GBP1: variants seen among roughly 807,000 people sequenced by gnomAD.
GBP1 encodes guanylate binding protein 1.
GBP1 carries 64 observed loss-of-function variants against 69.5 expected under a neutral mutation model. That is an observed-to-expected ratio of 0.92 (90% confidence interval 0.75 to 1.13). The LOEUF (loss-of-function observed/expected upper bound fraction) is 1.13. Among genes scored for constraint, GBP1 ranks in the 50% most tolerant of loss-of-function variants. GBP1 has a pLI of 0.00. For missense variants in GBP1, 630 were observed against 704.1 expected (o/e 0.89, Z 1.19); for synonymous variants, 250 against 261.2 (o/e 0.96, Z 0.41).
chr1:89,059,110 T>C, intron 4 of GBP1, 67 bp from the exon 5 acceptor site: 3 of 1,604,644 alleles, frequency 1.9e-6, no homozygotes, highest in East Asian at 2.2e-5. Flanking sequence ...GTTCAACACA[T>C]ACCCAAACCT....
In GBP1 at chr1:89,063,056, C is replaced by T. The variant is rs1341662113; in HGVS notation, c.179G>A (p.Gly60Glu). 1 of 1,613,854 alleles carries T rather than the reference C, an allele frequency of 6.2e-7. No homozygotes were observed. Reference sequence around the variant, plus strand: ...CTCATGCCACTCACCCTTTTTCTTTCCAGCCAGCTTGTTCATCAGGTAGGA... The same window carrying T: ...CTCATGCCACTCACCCTTTTTCTTTTCAGCCAGCTTGTTCATCAGGTAGGA... ...GKSYLMNKLAGKKKGFSLGST... is the reference protein window; with the variant it reads ...GKSYLMNKLAEKKKGFSLGST... The change falls in exon 2 of 11, where the codon GGA becomes GAA. Residue 60 changes from glycine to glutamate, a missense_variant. Gly to Glu is a moderately conservative substitution (Grantham distance 98). Around this residue, in one of 5 missense-constraint regions of GBP1, gnomAD observed 131 missense variants for 138.5 expected, o/e 0.95. Coordinates refer to ENST00000370473, the MANE Select transcript of GBP1 (RefSeq NM_002053.3).
intron 3 of GBP1, 110 bp from the exon 4 acceptor site, chr1:89,059,536 CT>C (rs34279176): frequency 0.31 from 180,906 of 589,418 alleles, 5,084 homozygotes; most frequent in African/African-American, 0.38. Flanking sequence ...TTTTTCTTTT[CT>C]TTTTTTTTTT....
At position 89,060,092 on chromosome 1, in the gene GBP1, C is replaced by T. The variant is rs1196850369; in HGVS notation, c.318+105G>A. 3 of 1,087,562 alleles carry T rather than the reference C, an allele frequency of 2.8e-6. No homozygotes were observed. In the African/African-American group the frequency reaches 4.9e-5, roughly 18 times the overall value. 67.4% of individuals were successfully genotyped at this position (1,087,562 alleles called of 1,614,324 possible). A position where few individuals can be genotyped will look rare whatever the true frequency, so the allele number is the denominator to read the frequency against. On this transcript the variant is annotated intron_variant, in intron 3 of 10. Transcript: ENST00000370473. Reference sequence around the variant, plus strand: ...GCTCCCTTTATGCATCTGTGTTAACCCACACATATTACAGCCTGTAGTTAA... The same window carrying T: ...GCTCCCTTTATGCATCTGTGTTAACTCACACATATTACAGCCTGTAGTTAA...
rs142645233 is a variant in GBP1, at chr1:89,063,126, G to T, written c.109C>A (p.Pro37Thr). 3.7e-6 allele frequency: 6 copies of T among 1,614,098 alleles called. No homozygotes were observed. The African/African-American group carries it at 8.0e-5, about 22-fold the overall frequency. The part of the protein sequence containing the change: ...ALKILSAITQ[P>T]MVVVAIVGLY... ...CCCACAATTGCCACCACCACCATAG[G>T]CTGTGTAATGGCAGAAAGGATCTTC... Residue 37 changes from proline (P) to threonine (T), a missense_variant, in exon 2 of 11, where the codon CCT (proline) becomes ACT (threonine). This residue lies in a region of GBP1 where 131 missense variants were observed against 138.5 expected (regional missense o/e 0.95). Transcript: ENST00000370473.
chr1:89,063,586 C>T (rs994354096), intron 1 of GBP1, among the ~76,000 whole-genome samples: 20 of 152,216 alleles, frequency 1.3e-4, no homozygotes, highest in African/African-American at 4.8e-4. Flanking sequence ...GATTTATTTG[C>T]ATCCTGGCTG....
At position 89,062,962 on chromosome 1, in the gene GBP1, T is replaced by G. The variant is rs566368331; in HGVS notation, c.190+83A>C. 3.3e-6 allele frequency: 5 copies of G among 1,536,340 alleles called. No individual in the cohort carries two copies. The East Asian group carries it at 9.0e-5, about 28-fold the overall frequency. On this transcript the variant is annotated intron_variant, in intron 2 of 10. Coordinates refer to ENST00000370473, the MANE Select transcript of GBP1 (RefSeq NM_002053.3). ...GCTTTCAGTATTCATCCTCATCTCT[T>G]TCTCTCCTCACATCTTCATAATGGA... is the stretch of plus-strand genomic sequence containing the variant.
At chr1:89,055,892 G>T (rs1680029960) in intron 8 of GBP1, 124 bp downstream of exon 8, 1 of 1,178,058 alleles carries the variant, frequency 8.5e-7, no homozygotes. Flanking sequence ...ATATGTTATT[G>T]AATAAAAGCA....
At chr1:89,056,530 A>G (rs577875217) in intron 7 of GBP1, among the ~76,000 whole-genome samples, 9 of 152,356 alleles carry the variant, frequency 5.9e-5, no homozygotes, top group Non-Finnish European at 1.3e-4. Context: ...AGCCTGCTCA[A>G]GATAAGTAGG....
Position 89,060,337 on chromosome 1 carries a change from G to T in GBP1, c.191-13C>A. On this transcript the variant is annotated splice_polypyrimidine_tract_variant and intron_variant, in intron 2 of 10. Coordinates refer to ENST00000370473, the MANE Select transcript of GBP1 (RefSeq NM_002053.3). ...CCCAGAGAGAAGCCTGCAAGGGAGA[G>T]AGGAGACCAGCGATGGGGATTTAGT... 3.2e-6 allele frequency: 5 copies of T among 1,550,712 alleles called. No individual in the cohort carries two copies. Among genetic ancestry groups the T allele is most frequent in the Non-Finnish European group, 4.3e-6 (5 of 1,149,936 alleles).
At position 89,055,726 on chromosome 1, in the gene GBP1, G is replaced by A. The variant is rs116266693; in HGVS notation, c.1368+290C>T. On this transcript the variant is annotated intron_variant, in intron 8 of 10. Transcript: ENST00000370473. ...CATTTTTGTTTAAGCAGCCATCATTGGGTTCCTGTCTCTTGCAACAGGAAA... is the reference window on the plus strand; with the variant it reads ...CATTTTTGTTTAAGCAGCCATCATTAGGTTCCTGTCTCTTGCAACAGGAAA... 2,339 of 486,908 alleles carry A rather than the reference G, an allele frequency of 4.8e-3. 44 individuals are homozygous for A. Among genetic ancestry groups the A allele is most frequent in the African/African-American group, 0.039 (2,005 of 51,526 alleles). The allele number at this position is 486,908 out of a possible 1,614,324, so 30.2% of individuals were successfully genotyped here. A position where few individuals can be genotyped will look rare whatever the true frequency, so the allele number is the denominator to read the frequency against.
chr1:89,061,168 T>C (rs1242122264), intron 2 of GBP1, among the ~76,000 whole-genome samples: 1 of 152,168 alleles, frequency 6.6e-6, no homozygotes, highest in Non-Finnish European at 1.5e-5. Flanking sequence ...TTACTTTGTA[T>C]AAATAGAAAA....
chr1:89,055,445 A>T, intron 8 of GBP1: 1 of 522,470 alleles, frequency 1.9e-6, no homozygotes. Context: ...GGAAAAGGAG[A>T]GTCTCTGTCC....
chr1:89,062,677 T>C lies in GBP1; in HGVS notation c.190+368A>G, dbSNP rs550890790. 11 of 182,476 alleles carry C rather than the reference T, an allele frequency of 6.0e-5. No individual in the cohort carries two copies. In the South Asian group the frequency reaches 1.4e-3, roughly 24 times the overall value. 11.3% of individuals were successfully genotyped at this position (182,476 alleles called of 1,614,324 possible). On this transcript the variant is annotated intron_variant, in intron 2 of 10. Coordinates refer to ENST00000370473, the MANE Select transcript of GBP1 (RefSeq NM_002053.3). ...TACAACAACAAAAAATAATATCCAC[T>C]ACAGATTGAAACATTTTTTCAACCT...
In GBP1 at chr1:89,057,134, C is replaced by T; in HGVS notation, c.875G>A (p.Arg292His). 1 of 1,614,166 alleles carries T rather than the reference C, an allele frequency of 6.2e-7. No homozygotes were observed. The change falls in exon 7 of 11, where the codon CGT (arginine) becomes CAT (histidine). Residue 292 changes from arginine to histidine, a missense_variant and splice_region_variant. Arg to His is a conservative substitution (Grantham distance 29). This residue lies in a region of GBP1 where 367 missense variants were observed against 369.5 expected (regional missense o/e 0.99). Coordinates refer to ENST00000370473, the MANE Select transcript of GBP1 (RefSeq NM_002053.3). ...GTAGGTCAGCACCAGGCTCTCTAGA[C>T]CTGCATATGAAGAACAAATGATAAT... ...LSGGIQVNGP[R>H]LESLVLTYVN...
chr1:89,062,700 C>T (rs1403154480), intron 2 of GBP1: 1 of 193,628 alleles, frequency 5.2e-6, no homozygotes, highest in Non-Finnish European at 1.1e-5. Context: ...ATTTTTTCAA[C>T]CTTAAAGATC....
In GBP1 at chr1:89,057,135, C is replaced by A; in HGVS notation, c.875-1G>T. The A allele has an allele frequency of 6.2e-7, 1 of 1,614,114 alleles. No individual in the cohort carries two copies. The highest frequency in any genetic ancestry group is 8.5e-7 in the Non-Finnish European group (1 of 1,179,930). Reference sequence around the variant, plus strand: ...TAGGTCAGCACCAGGCTCTCTAGACCTGCATATGAAGAACAAATGATAATG... The same window carrying A: ...TAGGTCAGCACCAGGCTCTCTAGACATGCATATGAAGAACAAATGATAATG... On this transcript the variant is annotated splice_acceptor_variant, in intron 6 of 10. Coordinates refer to ENST00000370473, the MANE Select transcript of GBP1 (RefSeq NM_002053.3). LOFTEE classifies it high-confidence loss of function.
intron 5 of GBP1, chr1:89,058,443 G>T (rs1356053982): frequency 1.8e-6 from 1 of 542,570 alleles, no homozygotes; most frequent in Non-Finnish European, 3.2e-6. Context: ...AAGACAGCTG[G>T]CAGGCAGGAT....
In GBP1 at chr1:89,063,710, T is replaced by A. The variant is rs138560730; in HGVS notation, c.-19-457A>T. 2.0e-5 allele frequency among the ~76,000 whole-genome samples: 3 copies of A among 152,352 alleles called. No individual in the cohort carries two copies. The East Asian group carries it at 5.8e-4, about 29-fold the overall frequency. ...TTACCCTTAGAAAAATTTCCAAAGA[T>A]TTTTAAATGTGTTCCTTCCTCCATC... is the stretch of plus-strand genomic sequence containing the variant. On this transcript the variant is annotated intron_variant, in intron 1 of 10. Transcript: ENST00000370473.
At position 89,055,650 on chromosome 1, in the gene GBP1, T is replaced by G. The variant is rs529525966; in HGVS notation, c.1368+366A>C. On this transcript the variant is annotated intron_variant, in intron 8 of 10. Transcript: ENST00000370473. ...CCAGTTCATGATGTTACTTGAAACC[T>G]TAGACCCACCTGACCTGTAAAGCCA... 5.2e-4 allele frequency: 196 copies of G among 379,150 alleles called. 1 individual carries two copies. The Admixed American group carries it at 7.2e-3, about 14-fold the overall frequency. 23.5% of individuals were successfully genotyped at this position (379,150 alleles called of 1,614,324 possible).
Sources: gnomAD v4.1 joint callset for allele counts (sites outside exome capture counted in the v4.1 genomes callset) on GRCh38, gnomAD v4.1.1 for gene constraint, gnomAD v4.1.1 regional missense constraint, MANE v1.5 for transcripts, NCBI Gene and HGNC (gene_info 2026-07-23, HGNC 2026-07-21) for gene names.